The following CERS3 variants were observed in gnomAD, a reference collection of about 807,000 sequenced individuals.
CERS3 encodes the protein LAG1 homolog, ceramide synthase 3.
CERS3 carries 33 observed loss-of-function variants against 50.3 expected under a neutral mutation model. That is an observed-to-expected ratio of 0.66 (90% CI 0.50 to 0.88). The LOEUF is 0.88. CERS3 is among the 40% of genes least tolerant of loss of function. The pLI is 0.00. For synonymous variants in CERS3, 176 were observed against 155.2 expected, an observed-to-expected ratio of 1.13 and a Z score of -0.99; for missense variants, 470 against 460.3, an observed-to-expected ratio of 1.02 and a Z score of -0.19.
chr15:100,484,641 A>C lies in CERS3; in HGVS notation c.316T>G (p.Cys106Gly), dbSNP rs146596812. 3.1e-6 allele frequency: 5 copies of C among 1,614,010 alleles called. No individual in the cohort carries two copies. Among genetic ancestry groups the C allele is most frequent in the Non-Finnish European group, 4.2e-6 (5 of 1,179,896 alleles). The change falls in exon 5 of 12, where the codon TGT becomes GGT. Residue 106 changes from cysteine to glycine, a missense_variant. Transcript: ENST00000679737. ...TCCACCTGGCGCTCCGTCAAGTTAC[A>C]CTTCTTTGCCAGTCCATAAATATCA... ...QTDIYGLAKKCNLTERQVERW... is the reference protein window; with the variant it reads ...QTDIYGLAKKGNLTERQVERW...
intron 7 of CERS3, among the ~76,000 whole-genome samples, chr15:100,478,029 A>T (rs1449487298): frequency 1.3e-5 from 2 of 152,168 alleles, no homozygotes. Flanking sequence ...CTGTCATTTA[A>T]TCAAAAGCTA....
rs150173209 is a variant in CERS3, at chr15:100,481,497, G to C, written c.408-1451C>G. On this transcript the variant is annotated intron_variant, in intron 5 of 11. Coordinates refer to ENST00000679737, the MANE Select transcript of CERS3 (RefSeq NM_001378789.1). ...CCCACAAAATATAGGAGATGATAAG[G>C]CCAGCCAACCCACAAATGAAGCCAA... Among the ~76,000 whole-genome samples, 224 of 152,304 alleles carry C rather than the reference G, an allele frequency of 1.5e-3. 1 individual carries two copies. Among genetic ancestry groups the C allele is most frequent in the African/African-American group, 5.0e-3 (206 of 41,550 alleles).
chr15:100,447,500 C>T (rs146034439), intron 11 of CERS3, among the ~76,000 whole-genome samples: 59 of 152,284 alleles, frequency 3.9e-4, no homozygotes, highest in Non-Finnish European at 6.9e-4. Context: ...GGATCTCCTG[C>T]GGCTGTGTCA....
intron 10 of CERS3, among the ~76,000 whole-genome samples, chr15:100,466,940 G>A (rs958796942): frequency 6.6e-6 from 1 of 151,112 alleles, no homozygotes; most frequent in Non-Finnish European, 1.5e-5. Context: ...TGCAACCTCC[G>A]TCTCCCAGGT....
chr15:100,540,240 C>T (rs2037167362), intron 1 of CERS3, among the ~76,000 whole-genome samples: 2 of 152,162 alleles, frequency 1.3e-5, no homozygotes, highest in African/African-American at 4.8e-5. Flanking sequence ...TGGGAAACTG[C>T]TTCTCAGATT....
intron 11 of CERS3, among the ~76,000 whole-genome samples, chr15:100,416,736 C>T (rs1210172215): frequency 6.6e-6 from 1 of 152,188 alleles, no homozygotes; most frequent in African/African-American, 2.4e-5. Context: ...GGTCCAATCA[C>T]TTCCCAACTG....
chr15:100,407,380 G>A (rs1419980687), intron 11 of CERS3, among the ~76,000 whole-genome samples: 1 of 152,206 alleles, frequency 6.6e-6, no homozygotes, highest in Admixed American at 6.5e-5. Flanking sequence ...CAGTCACAAA[G>A]GTTAGAGAAT....
chr15:100,468,197 C>A (rs1374966351), intron 10 of CERS3, among the ~76,000 whole-genome samples: 2 of 152,128 alleles, frequency 1.3e-5, no homozygotes, highest in East Asian at 3.8e-4. Context: ...TTTACTGATT[C>A]TTTACTGAGT....
intron 2 of CERS3, among the ~76,000 whole-genome samples, chr15:100,505,584 T>C (rs1331737685): frequency 2.0e-5 from 3 of 152,240 alleles, no homozygotes; most frequent in African/African-American, 7.2e-5. Flanking sequence ...AACCCATTCT[T>C]CACATCATAC....
intron 11 of CERS3, among the ~76,000 whole-genome samples, chr15:100,409,579 AC>A (rs2031318018): frequency 6.6e-6 from 1 of 152,188 alleles, no homozygotes; most frequent in East Asian, 1.9e-4. Context: ...CAAGGCATCT[AC>A]GTACTCACTA....
chr15:100,535,284 T>A (rs1375473624), intron 1 of CERS3, among the ~76,000 whole-genome samples: 1 of 152,242 alleles, frequency 6.6e-6, no homozygotes, highest in Non-Finnish European at 1.5e-5. Context: ...AGTACAAGGA[T>A]TGTGTAAAGT....
chr15:100,403,166 G>T (rs1352141665), intron 11 of CERS3, among the ~76,000 whole-genome samples: 1 of 152,008 alleles, frequency 6.6e-6, no homozygotes, highest in African/African-American at 2.4e-5. Context: ...AACAATCGCT[G>T]GGTCAAAGGG....
chr15:100,476,033 G>T, intron 8 of CERS3, 53 bp downstream of exon 8: 7 of 1,237,828 alleles, frequency 5.7e-6, no homozygotes, highest in Non-Finnish European at 6.8e-6. Context: ...GGGGCAGGGA[G>T]ATGGCAATTT....
intron 10 of CERS3, among the ~76,000 whole-genome samples, chr15:100,467,644 A>T (rs1017441314): frequency 2.6e-5 from 4 of 151,580 alleles, no homozygotes; most frequent in Non-Finnish European, 5.9e-5. Context: ...TGGCGAACTG[A>T]GGGGCAAATG....
chr15:100,418,421 T>C (rs2032138470), intron 11 of CERS3, among the ~76,000 whole-genome samples: 1 of 150,216 alleles, frequency 6.7e-6, no homozygotes, highest in Non-Finnish European at 1.5e-5. Flanking sequence ...CCAAGAAATA[T>C]GGGACTATGT....
intron 11 of CERS3, among the ~76,000 whole-genome samples, chr15:100,450,542 T>C (rs1395801912): frequency 6.6e-6 from 1 of 150,664 alleles, no homozygotes; most frequent in Non-Finnish European, 1.5e-5. Context: ...AGAATGAACA[T>C]AGCCTACAGG....
At chr15:100,405,632 A>G (rs1196213044) in intron 11 of CERS3, among the ~76,000 whole-genome samples, 1 of 152,238 alleles carries the variant, frequency 6.6e-6, no homozygotes. Flanking sequence ...TTTTCATGAC[A>G]TTCTCAAAAA....
rs11323964 is a variant in CERS3, at chr15:100,455,871, AT to A, written c.999+21del. The A allele has an allele frequency of 0.33, 504,090 of 1,546,840 alleles. 84,300 individuals carry two copies. The highest frequency in any genetic ancestry group is 0.41 in the South Asian group (33,668 of 81,302). The stretch of plus-strand genomic sequence containing the variant: ...TAACCTGGCAATGACATTAAGAGCA[AT>A]AATATTTGGACAGCCCTTACCTTCA... On this transcript the variant is annotated intron_variant, in intron 11 of 11. Coordinates refer to ENST00000679737, the MANE Select transcript of CERS3 (RefSeq NM_001378789.1).
chr15:100,450,878 A>G (rs2034137892), intron 11 of CERS3, among the ~76,000 whole-genome samples: 1 of 152,154 alleles, frequency 6.6e-6, no homozygotes, highest in Non-Finnish European at 1.5e-5. Context: ...CCAGGGGAAA[A>G]TGGGATGATA....
Sources: allele counts gnomAD v4.1 joint callset (sites outside exome capture counted in the v4.1 genomes callset), GRCh38; gene constraint gnomAD v4.1.1; transcripts MANE v1.5; gene names NCBI Gene and HGNC (gene_info 2026-07-23, HGNC 2026-07-21).